GADL1: variants seen among roughly 807,000 people sequenced by gnomAD.
GADL1 encodes acidic amino acid decarboxylase GADL1.
GADL1 carries 71 observed loss-of-function variants against 69.5 expected under a neutral mutation model. The observed-to-expected ratio is 1.02, with a 90% confidence interval of 0.84 to 1.25. The LOEUF (loss-of-function observed/expected upper bound fraction) is 1.25, where lower values mean the gene tolerates loss of function less well. GADL1 is among the 50% of genes most tolerant of loss of function. The pLI, the probability that GADL1 is intolerant of heterozygous loss-of-function variation, is 0.00. For missense variants in GADL1, 737 were observed against 631.8 expected (o/e 1.17, Z -1.79); for synonymous variants, 254 against 214.4 (o/e 1.18, Z -1.62).
intron 14 of GADL1, among the ~76,000 whole-genome samples, chr3:30,775,033 C>G (rs1183578455): frequency 2.6e-5 from 4 of 152,110 alleles, no homozygotes; most frequent in Non-Finnish European, 4.4e-5. Context: ...GAGTGAGAGT[C>G]AGAGGAGGAT....
At chr3:30,814,000 T>C (rs186450257) in intron 11 of GADL1, among the ~76,000 whole-genome samples, 1 of 152,236 alleles carries the variant, frequency 6.6e-6, no homozygotes, top group African/African-American at 2.4e-5. Context: ...CATTAGCATG[T>C]GGGTTACTCC....
At chr3:30,741,878 C>T (rs1044689672) in intron 14 of GADL1, among the ~76,000 whole-genome samples, 1 of 152,086 alleles carries the variant, frequency 6.6e-6, no homozygotes, top group African/African-American at 2.4e-5. Flanking sequence ...TCCTGTGTGG[C>T]CTCCAAGGCA....
At chr3:30,763,608 T>C (rs1297627577) in intron 14 of GADL1, among the ~76,000 whole-genome samples, 1 of 152,138 alleles carries the variant, frequency 6.6e-6, no homozygotes, top group Admixed American at 6.5e-5. Flanking sequence ...TGCTCAGACT[T>C]AGATGATTTT....
intron 14 of GADL1, among the ~76,000 whole-genome samples, chr3:30,734,242 G>A (rs1046783974): frequency 1.3e-5 from 2 of 152,066 alleles, no homozygotes; most frequent in African/African-American, 4.8e-5. Context: ...TTCAATTTTT[G>A]TTTAAGTATA....
chr3:30,781,872 G>A (rs911121536), intron 13 of GADL1, among the ~76,000 whole-genome samples: 1 of 152,180 alleles, frequency 6.6e-6, no homozygotes, highest in Non-Finnish European at 1.5e-5. Context: ...TTTTAAAGTG[G>A]ATGAGTAGCT....
chr3:30,777,968 C>A (rs1575200378), intron 14 of GADL1, among the ~76,000 whole-genome samples: 2 of 152,276 alleles, frequency 1.3e-5, no homozygotes, highest in East Asian at 3.9e-4. Flanking sequence ...TACAGACAAC[C>A]TAATTGTTTT....
intron 12 of GADL1, among the ~76,000 whole-genome samples, chr3:30,793,644 T>G (rs1422890770): frequency 6.6e-6 from 1 of 152,218 alleles, no homozygotes; most frequent in East Asian, 1.9e-4. Flanking sequence ...TATGCATTAA[T>G]GATAAACTTG....
chr3:30,816,544 T>C (rs1244365089), intron 11 of GADL1, among the ~76,000 whole-genome samples: 684 of 67,822 alleles, frequency 0.01, 30 homozygotes, highest in African/African-American at 0.037. Flanking sequence ...TTTTTTTTTT[T>C]TTTTTTTTTT....
intron 11 of GADL1, among the ~76,000 whole-genome samples, chr3:30,805,757 T>TTTTTTTTTTTTTTTTTTTTTC: frequency 6.8e-6 from 1 of 146,414 alleles, no homozygotes; most frequent in Non-Finnish European, 1.5e-5. Flanking sequence ...TTTTTTTTTT[T>TTTTTTTTTTTTTTTTTTTTTC]TGGGCACCAG....
chr3:30,767,716 G>T (rs892329229), intron 14 of GADL1, among the ~76,000 whole-genome samples: 1 of 152,058 alleles, frequency 6.6e-6, no homozygotes, highest in African/African-American at 2.4e-5. Flanking sequence ...TGAAGGAAAA[G>T]ATTGACAGAT....
chr3:30,889,135 G>C (rs1459466513), intron 1 of GADL1, among the ~76,000 whole-genome samples: 2 of 127,210 alleles, frequency 1.6e-5, no homozygotes, highest in Admixed American at 9.2e-5. Context: ...TGGACTCACA[G>C]TTCCACATGG....
At chr3:30,764,169 AAG>A (rs1575191904) in intron 14 of GADL1, among the ~76,000 whole-genome samples, 1 of 43,734 alleles carries the variant, frequency 2.3e-5, no homozygotes, top group East Asian at 4.6e-4. Flanking sequence ...TTTATACTTA[AAG>A]TTTTTCAAAA....
intron 14 of GADL1, among the ~76,000 whole-genome samples, chr3:30,752,763 T>A (rs527515839): frequency 6.6e-6 from 1 of 152,158 alleles, no homozygotes; most frequent in Non-Finnish European, 1.5e-5. Context: ...GTCCAAAGAT[T>A]TGTTAGCATT....
In GADL1 at chr3:30,728,223, TG is replaced by T; in HGVS notation, c.*18del. The T allele has an allele frequency of 6.2e-7, 1 of 1,609,728 alleles. No homozygotes were observed. ...TCTCCCAGGATAGGATCTATGCCTC[TG>T]GGGGACCAAAGCCACAGCTACATGT... On this transcript the variant is annotated 3_prime_UTR_variant, in exon 15 of 15. Coordinates refer to ENST00000282538, the MANE Select transcript of GADL1 (RefSeq NM_207359.3).
rs1390680016 is a variant in GADL1 at position 30,894,573 on chromosome 3, G to T, written c.37+5C>A. On this transcript the variant is annotated splice_donor_5th_base_variant and intron_variant, in intron 1 of 14. Coordinates refer to ENST00000282538, the MANE Select transcript of GADL1 (RefSeq NM_207359.3). ...ACAAAAACCGCAGCCGCGCTGAGTC[G>T]TTACCGTCCACAGGACACTGGCGGT... is the stretch of plus-strand genomic sequence containing the variant. 1 of 1,549,392 alleles carries T rather than the reference G, an allele frequency of 6.5e-7. No individual in the cohort carries two copies. The highest frequency in any genetic ancestry group is 2.0e-5 in the Admixed American group (1 of 50,886).
chr3:30,865,828 G>C (rs1020875672), intron 1 of GADL1, among the ~76,000 whole-genome samples: 8 of 151,910 alleles, frequency 5.3e-5, no homozygotes, highest in African/African-American at 1.9e-4. Flanking sequence ...TCAGCGCACG[G>C]ACCACAGGCT....
At position 30,871,042 on chromosome 3, in the gene GADL1, AGTGTGTGT is replaced by A. The variant is rs4016178; in HGVS notation, c.38-9285_38-9278del. ...AAAGCAACATGGACTAAGGCAGAAA[AGTGTGTGT>A]GTGTGTGTGTGTGTGTGTGTGTGTG... On this transcript the variant is annotated intron_variant, in intron 1 of 14. Coordinates refer to ENST00000282538, the MANE Select transcript of GADL1 (RefSeq NM_207359.3). Among the ~76,000 whole-genome samples the A allele has an allele frequency of 6.8e-4, 96 of 141,476 alleles. 2 individuals are homozygous for A. Among genetic ancestry groups the A allele is most frequent in the South Asian group, 1.7e-3 (7 of 4,208 alleles). The allele number at this position is 141,476 out of a possible 152,430, so 92.8% of individuals were successfully genotyped here.
At chr3:30,816,600 C>T (rs915609163) in intron 11 of GADL1, among the ~76,000 whole-genome samples, 2 of 119,014 alleles carry the variant, frequency 1.7e-5, no homozygotes, top group Non-Finnish European at 3.2e-5. Flanking sequence ...GGCTGGAGTG[C>T]ATTGGCGCTA....
chr3:30,807,960 A>AGGGT (rs1553640598), intron 11 of GADL1, among the ~76,000 whole-genome samples: 3 of 151,826 alleles, frequency 2.0e-5, no homozygotes, highest in African/African-American at 7.3e-5. Context: ...TGAACCCGGG[A>AGGGT]GGTGGAGATT....
Sources: allele counts gnomAD v4.1 joint callset (sites outside exome capture counted in the v4.1 genomes callset), GRCh38; gene constraint gnomAD v4.1.1; transcripts MANE v1.5; gene names NCBI Gene and HGNC (gene_info 2026-07-23, HGNC 2026-07-21).